The following EXOC6B variants were observed in gnomAD, a reference collection of about 807,000 sequenced individuals.
EXOC6B encodes the protein SEC15 homolog B.
A neutral mutation model predicts 113.5 loss-of-function variants in EXOC6B; 54 were observed. The ratio of observed to expected loss-of-function variants is 0.48; its 90% CI spans 0.38 to 0.60. EXOC6B has a LOEUF of 0.60. Among genes scored for constraint, EXOC6B ranks in the 20% least tolerant of loss-of-function variants. The pLI is 0.00. For synonymous variants in EXOC6B, 357 were observed against 339.0 expected (o/e 1.05, Z -0.58); for missense variants, 797 against 977.5 (o/e 0.82, Z 2.46).
chr2:72,805,342 T>C (rs553461655), intron 1 of EXOC6B, among the ~76,000 whole-genome samples: 2 of 152,342 alleles, frequency 1.3e-5, no homozygotes, highest in South Asian at 2.1e-4. Flanking sequence ...AAGCATGAAT[T>C]TGATAACTGA....
intron 16 of EXOC6B, among the ~76,000 whole-genome samples, 199 bp downstream of exon 16, chr2:72,492,119 C>T (rs767847713): frequency 3.9e-5 from 6 of 151,986 alleles, no homozygotes; most frequent in South Asian, 2.1e-4. Flanking sequence ...AAGAGAAAAA[C>T]GACTTTTTTA....
At chr2:72,514,602 A>C (rs1701115253) in intron 10 of EXOC6B, 32 bp downstream of exon 10, 1 of 149,128 alleles carries the variant, frequency 6.7e-6, no homozygotes, top group South Asian at 1.4e-4. Flanking sequence ...AAATAAATAA[A>C]TAAATATATA....
chr2:72,653,753 C>T (rs1193629418), intron 6 of EXOC6B, among the ~76,000 whole-genome samples: 2 of 151,786 alleles, frequency 1.3e-5, no homozygotes, highest in Non-Finnish European at 2.9e-5. Flanking sequence ...TTGAAACTAA[C>T]TTCTAAGTAA....
chr2:72,653,287 T>G (rs1401615921), intron 6 of EXOC6B, among the ~76,000 whole-genome samples: 1 of 149,294 alleles, frequency 6.7e-6, no homozygotes, highest in African/African-American at 2.5e-5. Flanking sequence ...ATCATCATTC[T>G]CAGTAAACTA....
chr2:72,202,681 A>G (rs994683737), intron 20 of EXOC6B, among the ~76,000 whole-genome samples: 7 of 152,366 alleles, frequency 4.6e-5, no homozygotes, highest in Middle Eastern at 3.4e-3. Flanking sequence ...CCATGTCTAC[A>G]AGAAAATCAT....
chr2:72,568,277 G>GA (rs942344041), intron 7 of EXOC6B, among the ~76,000 whole-genome samples: 1 of 151,704 alleles, frequency 6.6e-6, no homozygotes, highest in Non-Finnish European at 1.5e-5. Context: ...TGGCTGCAAG[G>GA]AAAAAAACGA....
At chr2:72,343,862 TTCTATGTAATGAGTCTTGTA>T (rs2104915677) in intron 19 of EXOC6B, among the ~76,000 whole-genome samples, 1 of 152,304 alleles carries the variant, frequency 6.6e-6, no homozygotes, top group Admixed American at 6.5e-5. Context: ...TAAGGATCTT[TTCTATGTAATGAGTCTTGTA>T]AGCACCAAAA....
At chr2:72,581,943 C>T (rs557736294) in intron 6 of EXOC6B, among the ~76,000 whole-genome samples, 114 of 152,276 alleles carry the variant, frequency 7.5e-4, no homozygotes, top group African/African-American at 2.7e-3. Context: ...CCTGAGGCAA[C>T]AGAGAGCTTC....
chr2:72,718,393 C>T (rs1679776508), intron 5 of EXOC6B, 86 bp from the exon 6 acceptor site: 2 of 961,262 alleles, frequency 2.1e-6, no homozygotes, highest in Non-Finnish European at 1.6e-6. Flanking sequence ...TTTCACTGTG[C>T]ATTAACACAA....
At chr2:72,706,049 A>G (rs116486249) in intron 6 of EXOC6B, among the ~76,000 whole-genome samples, 2,470 of 152,296 alleles carry the variant, frequency 0.016, 86 homozygotes, top group African/African-American at 0.057. Flanking sequence ...AGTTACCTAG[A>G]AAATATGCTA....
At chr2:72,543,785 T>A (rs979749779) in intron 8 of EXOC6B, among the ~76,000 whole-genome samples, 2 of 152,140 alleles carry the variant, frequency 1.3e-5, no homozygotes, top group African/African-American at 2.4e-5. Context: ...TATGTAGTGT[T>A]TATGCCTATC....
chr2:72,327,682 C>CA (rs372968227), intron 20 of EXOC6B, among the ~76,000 whole-genome samples: 13 of 152,072 alleles, frequency 8.5e-5, no homozygotes, highest in African/African-American at 2.9e-4. Flanking sequence ...TTTGTTAAAT[C>CA]AAAAAATGCC....
chr2:72,731,940 A>G (rs1404042888), intron 3 of EXOC6B, among the ~76,000 whole-genome samples: 1 of 152,250 alleles, frequency 6.6e-6, no homozygotes, highest in Non-Finnish European at 1.5e-5. Context: ...ACTACAAGTC[A>G]GAAAACCTGG....
chr2:72,488,868 A>G (rs1699578270), intron 16 of EXOC6B, among the ~76,000 whole-genome samples: 1 of 152,122 alleles, frequency 6.6e-6, no homozygotes, highest in Non-Finnish European at 1.5e-5. Flanking sequence ...ACAAAATCCT[A>G]CAATAGCTCC....
At chr2:72,719,680 A>G (rs1263487759) in intron 5 of EXOC6B, among the ~76,000 whole-genome samples, 1 of 152,250 alleles carries the variant, frequency 6.6e-6, no homozygotes, top group Admixed American at 6.5e-5. Context: ...CTAACCAATC[A>G]TTAGCTGATG....
chr2:72,543,533 C>T (rs1947118), intron 8 of EXOC6B, among the ~76,000 whole-genome samples: 93,038 of 152,026 alleles, frequency 0.61, 34,719 homozygotes, highest in East Asian at 0.99. Context: ...AAAACAAACA[C>T]ACACTCTCTC....
chr2:72,819,696 T>C (rs2105167230), intron 1 of EXOC6B, among the ~76,000 whole-genome samples: 1 of 152,208 alleles, frequency 6.6e-6, no homozygotes, highest in African/African-American at 2.4e-5. Context: ...GACTCACACT[T>C]GAGTGACCAA....
chr2:72,649,255 G>A (rs186210783), intron 6 of EXOC6B, among the ~76,000 whole-genome samples: 101 of 152,274 alleles, frequency 6.6e-4, no homozygotes, highest in African/African-American at 2.3e-3. Context: ...ACAAAAAACA[G>A]CTAGATAGAA....
chr2:72,473,211 T>C (rs1398979951), intron 17 of EXOC6B, among the ~76,000 whole-genome samples: 1 of 152,166 alleles, frequency 6.6e-6, no homozygotes, highest in East Asian at 1.9e-4. Flanking sequence ...TAAAGTCCAG[T>C]TTAAAACAAA....
Sources: allele counts gnomAD v4.1 joint callset (sites outside exome capture counted in the v4.1 genomes callset), GRCh38; gene constraint gnomAD v4.1.1; transcripts MANE v1.5; gene names NCBI Gene and HGNC (gene_info 2026-07-23, HGNC 2026-07-21).